The following CSMD1 variants were observed in gnomAD, a reference collection of about 807,000 sequenced individuals.
CSMD1 encodes the protein CUB and Sushi multiple domains 1, also known as CUB and sushi domain-containing protein 1.
A neutral mutation model predicts 417.5 loss-of-function variants in CSMD1; 213 were observed. That is an observed-to-expected ratio of 0.51 (90% confidence interval 0.46 to 0.57). The LOEUF (loss-of-function observed/expected upper bound fraction) is 0.57, where lower values mean the gene tolerates loss of function less well. CSMD1 is among the 20% of genes least tolerant of loss of function. CSMD1 has a pLI of 0.00. For synonymous variants in CSMD1, 2,862 were observed against 1,736.8 expected (o/e 1.65, Z -16.11); for missense variants, 6,923 against 4,529.7 (o/e 1.53, Z -15.17).
At chr8:4,915,000 T>C (rs566624423) in intron 1 of CSMD1, among the ~76,000 whole-genome samples, 5 of 152,330 alleles carry the variant, frequency 3.3e-5, no homozygotes, top group African/African-American at 9.6e-5. Flanking sequence ...ATAGCTACCG[T>C]ATTTAATTCA....
chr8:3,391,261 C>G (rs6558766), intron 17 of CSMD1, among the ~76,000 whole-genome samples: 64,946 of 152,002 alleles, frequency 0.43, 14,114 homozygotes, highest in Middle Eastern at 0.47. Context: ...CATGATATAT[C>G]AATCACACAG....
chr8:3,938,580 G>C (rs2688306), intron 5 of CSMD1, among the ~76,000 whole-genome samples: 122,100 of 152,128 alleles, frequency 0.8, 49,088 homozygotes, highest in African/African-American at 0.84. Context: ...TTTTTTTCAG[G>C]CATTTCTTGG....
At chr8:3,837,587 T>G (rs182073060) in intron 5 of CSMD1, among the ~76,000 whole-genome samples, 184 of 152,302 alleles carry the variant, frequency 1.2e-3, no homozygotes, top group African/African-American at 4.2e-3. Context: ...GACTGACAAG[T>G]AAGTTTAGAA....
At chr8:4,842,307 A>C (rs1398536318) in intron 1 of CSMD1, among the ~76,000 whole-genome samples, 1 of 152,204 alleles carries the variant, frequency 6.6e-6, no homozygotes, top group Non-Finnish European at 1.5e-5. Flanking sequence ...CCATTGGAAA[A>C]ATTATTTACC....
At chr8:4,158,181 T>A (rs1213817093) in intron 3 of CSMD1, among the ~76,000 whole-genome samples, 2 of 151,644 alleles carry the variant, frequency 1.3e-5, no homozygotes, top group African/African-American at 4.8e-5. Flanking sequence ...TAGTGAAGTC[T>A]CTCCTTTCCT....
intron 8 of CSMD1, among the ~76,000 whole-genome samples, chr8:3,591,398 C>G (rs1488035793): frequency 6.6e-6 from 1 of 152,168 alleles, no homozygotes; most frequent in Non-Finnish European, 1.5e-5. Flanking sequence ...TATTTCCAAA[C>G]ACGCTTTAGT....
At chr8:4,810,858 T>C (rs544084587) in intron 1 of CSMD1, among the ~76,000 whole-genome samples, 1 of 152,272 alleles carries the variant, frequency 6.6e-6, no homozygotes, top group South Asian at 2.1e-4. Context: ...GATCAAATGA[T>C]TTATAAGAAA....
intron 3 of CSMD1, among the ~76,000 whole-genome samples, chr8:4,099,949 A>G (rs56817850): frequency 0.32 from 49,120 of 152,070 alleles, 8,967 homozygotes; most frequent in African/African-American, 0.48. Flanking sequence ...AGTGAATAAA[A>G]ATACTCATTT....
intron 5 of CSMD1, among the ~76,000 whole-genome samples, chr8:3,985,110 A>G (rs1814220481): frequency 6.6e-6 from 1 of 152,044 alleles, no homozygotes; most frequent in South Asian, 2.1e-4. Context: ...CTTGTCATGA[A>G]GAATTACACC....
At chr8:4,320,593 G>A (rs933254272) in intron 3 of CSMD1, among the ~76,000 whole-genome samples, 1 of 152,022 alleles carries the variant, frequency 6.6e-6, no homozygotes, top group Admixed American at 6.6e-5. Flanking sequence ...CCACTTATGA[G>A]TGAGAACATG....
At chr8:4,733,878 G>T (rs569983967) in intron 1 of CSMD1, among the ~76,000 whole-genome samples, 1 of 152,106 alleles carries the variant, frequency 6.6e-6, no homozygotes, top group Non-Finnish European at 1.5e-5. Context: ...TTCTGAAATT[G>T]ACCTGGGTAG....
intron 12 of CSMD1, among the ~76,000 whole-genome samples, chr8:3,455,558 G>C (rs1816062613): frequency 6.6e-6 from 1 of 152,216 alleles, no homozygotes; most frequent in Admixed American, 6.5e-5. Context: ...CAGGTCTGTT[G>C]GAATTTGCTG....
Position 2,943,236 on chromosome 8 carries a change from T to TC in CSMD1, c.10403-633_10403-632insG, listed in dbSNP as rs1174937580. Among the ~76,000 whole-genome samples the TC allele has an allele frequency of 4.6e-5, 7 of 152,006 alleles. No homozygotes were observed. The East Asian group carries it at 1.2e-3, about 25-fold the overall frequency. On this transcript the variant is annotated intron_variant, in intron 68 of 69. Coordinates refer to ENST00000635120, the MANE Select transcript of CSMD1 (RefSeq NM_033225.6). ...AATTAAATAATTAATTTTTCTTTTT[T>TC]TTTTTTTCTGAGACAGAGTCTCACC...
At chr8:3,666,049 C>A (rs966573463) in intron 7 of CSMD1, among the ~76,000 whole-genome samples, 4 of 152,244 alleles carry the variant, frequency 2.6e-5, no homozygotes, top group South Asian at 2.1e-4. Context: ...GTGCCCAACA[C>A]CACACCTGGC....
At chr8:3,723,554 G>A (rs138534814) in intron 6 of CSMD1, among the ~76,000 whole-genome samples, 1 of 152,128 alleles carries the variant, frequency 6.6e-6, no homozygotes, top group African/African-American at 2.4e-5. Context: ...GTCAGCTATT[G>A]TTACCTAAAC....
At chr8:4,682,444 T>A (rs1806111569) in intron 1 of CSMD1, among the ~76,000 whole-genome samples, 1 of 152,110 alleles carries the variant, frequency 6.6e-6, no homozygotes, top group Non-Finnish European at 1.5e-5. Context: ...TGCTATGAAT[T>A]TTTTTTCATA....
At chr8:4,494,747 G>A (rs1801894377) in intron 2 of CSMD1, among the ~76,000 whole-genome samples, 1 of 151,844 alleles carries the variant, frequency 6.6e-6, no homozygotes, top group Non-Finnish European at 1.5e-5. Flanking sequence ...TGCATAGATT[G>A]TCTTGTTGAT....
At chr8:4,992,927 G>A (rs745581519) in intron 1 of CSMD1, among the ~76,000 whole-genome samples, 13 of 152,316 alleles carry the variant, frequency 8.5e-5, no homozygotes, top group Non-Finnish European at 1.8e-4. Flanking sequence ...GGTGGATGCC[G>A]GTGAGGAGGA....
At chr8:4,528,316 G>C (rs1014385706) in intron 2 of CSMD1, among the ~76,000 whole-genome samples, 1 of 152,150 alleles carries the variant, frequency 6.6e-6, no homozygotes, top group Non-Finnish European at 1.5e-5. Context: ...AACAACAAAA[G>C]TTATTTTATA....
Sources: allele counts gnomAD v4.1 joint callset (sites outside exome capture counted in the v4.1 genomes callset), GRCh38; gene constraint gnomAD v4.1.1; transcripts MANE v1.5; gene names NCBI Gene and HGNC (gene_info 2026-07-23, HGNC 2026-07-21).